ENOX2: variants seen among roughly 807,000 people sequenced by gnomAD.
ENOX2 encodes the protein APK1 antigen.
A neutral mutation model predicts 45.0 loss-of-function variants in ENOX2; 36 were observed. The observed-to-expected ratio is 0.80, with a 90% CI of 0.61 to 1.06. The LOEUF (loss-of-function observed/expected upper bound fraction) is 1.06. Ranked by LOEUF, ENOX2 falls within the 50% of genes least tolerant of loss-of-function variation. The pLI, the probability that ENOX2 is intolerant of heterozygous loss-of-function variation, is 0.00. For missense variants in ENOX2, 423 were observed against 462.5 expected (o/e 0.91, Z 0.78); for synonymous variants, 174 against 152.3 (o/e 1.14, Z -1.05).
At chrX:130,736,151 G>T (rs1678067286) in intron 3 of ENOX2, among the ~76,000 whole-genome samples, 1 of 111,364 alleles carries the variant, frequency 9.0e-6, no homozygotes, top group South Asian at 3.8e-4. Flanking sequence ...ATCACCTGAG[G>T]TCAGGAGTTT....
chrX:130,711,402 G>A (rs780542074), intron 3 of ENOX2, among the ~76,000 whole-genome samples: 11 of 111,128 alleles, frequency 9.9e-5, no homozygotes, highest in Non-Finnish European at 2.1e-4. Flanking sequence ...GCAGGTGAGA[G>A]AACTGACAGG....
intron 3 of ENOX2, among the ~76,000 whole-genome samples, chrX:130,777,341 A>T (rs1352158304): frequency 9.1e-6 from 1 of 109,572 alleles, no homozygotes; most frequent in Non-Finnish European, 1.9e-5. Flanking sequence ...TCTATTAAAA[A>T]TACCAAAATT....
intron 2 of ENOX2, among the ~76,000 whole-genome samples, chrX:130,871,690 A>G (rs1043267908): frequency 9.0e-6 from 1 of 111,204 alleles, no homozygotes; most frequent in Non-Finnish European, 1.9e-5. Context: ...GTTCTTTCCC[A>G]CAAAAGCATT....
chrX:130,902,102 G>A (rs1211978870), intron 1 of ENOX2, among the ~76,000 whole-genome samples: 1 of 111,339 alleles, frequency 9.0e-6, no homozygotes, highest in Non-Finnish European at 1.9e-5. Flanking sequence ...GGTTAGGCTT[G>A]AACTTCCATA....
intron 3 of ENOX2, among the ~76,000 whole-genome samples, chrX:130,737,456 GCACACACACA>G (rs112463994): frequency 1.9e-5 from 2 of 107,233 alleles, no homozygotes; most frequent in Admixed American, 2.0e-4. Context: ...GCGTGCGCAC[GCACACACACA>G]CACACACACA....
intron 2 of ENOX2, among the ~76,000 whole-genome samples, chrX:130,862,712 G>A (rs1418246825): frequency 3.6e-5 from 4 of 111,245 alleles, no homozygotes; most frequent in African/African-American, 1.3e-4. Context: ...CACATAGTAG[G>A]CACTCAATAA....
Position 130,656,593 on chromosome X carries a change from T to C in ENOX2, c.1117A>G (p.Thr373Ala), listed in dbSNP as rs769401707. ...EIEEMTETKETEESALVSQAE... is the reference protein window; with the variant it reads ...EIEEMTETKEAEESALVSQAE... ...GAATTATCTTTACCTGATTCCTCAG[T>C]TTCTTTTGTTTCTGTCATTTCTTCT... The change falls in exon 10 of 15, where the codon ACT becomes GCT. Residue 373 changes from threonine to alanine, a missense_variant. Physicochemically the swap from Thr to Ala is moderately conservative, Grantham distance 58. Around this residue, in one of 5 missense-constraint regions of ENOX2, gnomAD observed 13 missense variants for 29.8 expected, o/e 0.44. Transcript: ENST00000394363. The C allele has an allele frequency of 2.7e-6, 3 of 1,105,139 alleles. No homozygotes were observed. The highest frequency in any genetic ancestry group is 3.7e-6 in the Non-Finnish European group (3 of 804,069). The allele number at this position is 1,105,139 out of a possible 1,213,427, so 91.1% of individuals were successfully genotyped here. A position where few individuals can be genotyped will look rare whatever the true frequency, so the allele number is the denominator to read the frequency against.
intron 2 of ENOX2, among the ~76,000 whole-genome samples, chrX:130,805,043 G>T (rs913859860): frequency 9.0e-6 from 1 of 111,523 alleles, no homozygotes; most frequent in Non-Finnish European, 1.9e-5. Context: ...CACCATATGA[G>T]GACACATACA....
chrX:130,831,601 C>T (rs1042731129), intron 2 of ENOX2, among the ~76,000 whole-genome samples: 2 of 111,432 alleles, frequency 1.8e-5, no homozygotes, highest in African/African-American at 6.5e-5. Flanking sequence ...CAGGTACTTC[C>T]TCAATTATCA....
chrX:130,685,492 A>G (rs2037425158), intron 5 of ENOX2, among the ~76,000 whole-genome samples: 1 of 112,155 alleles, frequency 8.9e-6, no homozygotes, highest in Non-Finnish European at 1.9e-5. Context: ...ACAATAATTT[A>G]GAAAATGAAT....
At chrX:130,812,229 A>C (rs1318791800) in intron 2 of ENOX2, among the ~76,000 whole-genome samples, 1 of 111,923 alleles carries the variant, frequency 8.9e-6, no homozygotes. Context: ...GTCTCAAATC[A>C]GATTCAATCC....
intron 3 of ENOX2, among the ~76,000 whole-genome samples, chrX:130,714,329 C>A (rs1042105229): frequency 8.9e-6 from 1 of 112,053 alleles, no homozygotes; most frequent in East Asian, 2.8e-4. Context: ...CAATCACTTA[C>A]ACCTGTGTTT....
At chrX:130,682,091 A>G (rs2037320065) in intron 5 of ENOX2, among the ~76,000 whole-genome samples, 1 of 110,152 alleles carries the variant, frequency 9.1e-6, no homozygotes, top group Admixed American at 9.7e-5. Flanking sequence ...TTTTAAAATT[A>G]GAGACTTTAG....
At chrX:130,864,615 T>A (rs1006133774) in intron 2 of ENOX2, among the ~76,000 whole-genome samples, 1 of 112,388 alleles carries the variant, frequency 8.9e-6, no homozygotes, top group Non-Finnish European at 1.9e-5. Context: ...TATGAGGGAA[T>A]CCATACTGTT....
chrX:130,696,930 A>T (rs1461588806), intron 4 of ENOX2, among the ~76,000 whole-genome samples: 1 of 112,036 alleles, frequency 8.9e-6, no homozygotes, highest in African/African-American at 3.2e-5. Flanking sequence ...TATGACCTAC[A>T]CACCTGAATT....
chrX:130,794,042 T>C (rs1022180904), intron 2 of ENOX2, among the ~76,000 whole-genome samples: 1 of 111,760 alleles, frequency 8.9e-6, no homozygotes, highest in African/African-American at 3.3e-5. Context: ...CAGCTACCCT[T>C]TCTCTCCACA....
At chrX:130,871,944 T>C (rs1356903614) in intron 2 of ENOX2, among the ~76,000 whole-genome samples, 1 of 112,146 alleles carries the variant, frequency 8.9e-6, no homozygotes, top group Non-Finnish European at 1.9e-5. Flanking sequence ...AGTTTAATTA[T>C]GTGGAAAAAG....
intron 2 of ENOX2, among the ~76,000 whole-genome samples, chrX:130,837,589 C>T (rs191056473): frequency 1.3e-3 from 146 of 111,634 alleles, no homozygotes; most frequent in Non-Finnish European, 2.3e-3. Flanking sequence ...ACCCATTCCA[C>T]CGCCAGACAG....
At chrX:130,874,035 A>C (rs1009906410) in intron 2 of ENOX2, among the ~76,000 whole-genome samples, 4 of 111,491 alleles carry the variant, frequency 3.6e-5, no homozygotes, top group Non-Finnish European at 7.5e-5. Context: ...CCAGAACTTA[A>C]AGTATAACAA....
Sources: allele counts gnomAD v4.1 joint callset (sites outside exome capture counted in the v4.1 genomes callset), GRCh38; gene constraint gnomAD v4.1.1; regional missense constraint gnomAD v4.1.1; transcripts MANE v1.5; gene names NCBI Gene and HGNC (gene_info 2026-07-23, HGNC 2026-07-21).